Variants in TMCO5A observed in about 807,000 individuals in gnomAD.
The protein encoded by TMCO5A is transmembrane and coiled-coil domains 5A, also known as transmembrane and coiled-coil domain-containing protein 5A.
Under a neutral mutation model 42.3 loss-of-function variants are expected in TMCO5A, and 34 were observed. That is an observed-to-expected ratio of 0.80 (90% CI 0.61 to 1.07). The LOEUF (loss-of-function observed/expected upper bound fraction) is 1.07. TMCO5A is among the 50% of genes least tolerant of loss of function. The pLI, the probability that TMCO5A is intolerant of heterozygous loss-of-function variation, is 0.00. For synonymous variants in TMCO5A, 131 were observed against 115.6 expected, an observed-to-expected ratio of 1.13 and a Z score of -0.86; for missense variants, 357 against 327.9, an observed-to-expected ratio of 1.09 and a Z score of -0.69.
chr15:37,952,538 G>A (rs1351471642), downstream of TMCO5A, among the ~76,000 whole-genome samples: 1 of 152,126 alleles, frequency 6.6e-6, no homozygotes, highest in East Asian at 1.9e-4. Flanking sequence ...TAACTGAAAA[G>A]CCTCTGGGCC....
downstream of TMCO5A, among the ~76,000 whole-genome samples, chr15:37,954,283 A>AG (rs1173512046): frequency 1.3e-5 from 2 of 152,192 alleles, no homozygotes; most frequent in Non-Finnish European, 2.9e-5. Flanking sequence ...TCAAGGATAG[A>AG]GAAAGGATCA....
chr15:37,995,692 TTAGG>T, the TMCO5A span, among the ~76,000 whole-genome samples: 1 of 152,210 alleles, frequency 6.6e-6, no homozygotes, highest in African/African-American at 2.4e-5. Context: ...CACATGATCC[TTAGG>T]ATCCCAGCAC....
chr15:37,963,403 T>G (rs1229699010), intron 11 of TMCO5A, among the ~76,000 whole-genome samples: 2 of 152,184 alleles, frequency 1.3e-5, no homozygotes, highest in Non-Finnish European at 1.5e-5. Flanking sequence ...TATTCCACTG[T>G]GGTCTGAGAG....
At chr15:37,955,983 T>C (rs1890279986), downstream of TMCO5A, among the ~76,000 whole-genome samples, 1 of 152,144 alleles carries the variant, frequency 6.6e-6, no homozygotes, top group Admixed American at 6.6e-5. Context: ...AACAACCTGC[T>C]CCTGAATGAC....
chr15:37,957,211 A>G (rs1440682421), intron 11 of TMCO5A, among the ~76,000 whole-genome samples: 1 of 152,126 alleles, frequency 6.6e-6, no homozygotes, highest in Admixed American at 6.6e-5. Context: ...CACCACTCCT[A>G]TTCAACATAG....
At chr15:37,947,792 A>C in intron 11 of TMCO5A, 96 bp downstream of exon 11, 3 of 770,654 alleles carry the variant, frequency 3.9e-6, no homozygotes, top group Non-Finnish European at 6.7e-6. Context: ...AGAGCCTTGT[A>C]TATGCGTGTG....
At chr15:37,936,765 TC>T (rs1443010419) in intron 3 of TMCO5A, 81 bp from the exon 4 acceptor site, 2 of 1,572,096 alleles carry the variant, frequency 1.3e-6, no homozygotes, top group East Asian at 4.6e-5. Context: ...TCCCTGAAGT[TC>T]CCTTATATCT....
At chr15:37,942,930 A>G (rs1889800090) in intron 9 of TMCO5A, 1 of 154,736 alleles carries the variant, frequency 6.5e-6, no homozygotes, top group South Asian at 2.0e-4. Context: ...TAGATCAAGA[A>G]CAAGAGATCA....
Position 37,947,648 on chromosome 15 carries a change from TCTTC to T in TMCO5A, c.628-6_628-3del. Reference sequence around the variant, plus strand: ...TTGCTTATTTATCAATATCCTTTCTTCTTCCAGGGTACTCCTACCCAAAAGACAG... The same window carrying T: ...TTGCTTATTTATCAATATCCTTTCTTCAGGGTACTCCTACCCAAAAGACAG... On this transcript the variant is annotated splice_polypyrimidine_tract_variant and splice_region_variant and intron_variant, in intron 10 of 11. Coordinates refer to ENST00000319669, the MANE Select transcript of TMCO5A (RefSeq NM_152453.4). The T allele has an allele frequency of 6.3e-7, 1 of 1,587,976 alleles. No individual in the cohort carries two copies.
chr15:38,008,041 G>A, the TMCO5A span, among the ~76,000 whole-genome samples: 31 of 151,678 alleles, frequency 2.0e-4, no homozygotes, highest in Non-Finnish European at 2.9e-4. Flanking sequence ...GACTACAGGC[G>A]CCTGCCACCA....
chr15:37,966,847 T>C (rs1890570476), exon 12 of TMCO5A: 5 of 609,386 alleles, frequency 8.2e-6, no homozygotes, highest in Non-Finnish European at 1.5e-5. Flanking sequence ...ATGTCATATG[T>C]TCAGCCCCTT....
the TMCO5A span, among the ~76,000 whole-genome samples, chr15:38,009,654 A>G: frequency 6.6e-6 from 1 of 152,188 alleles, no homozygotes; most frequent in African/African-American, 2.4e-5. Context: ...ATATAATGGG[A>G]AAGCAACACA....
At chr15:37,981,583 G>A in the TMCO5A span, among the ~76,000 whole-genome samples, 4 of 152,286 alleles carry the variant, frequency 2.6e-5, no homozygotes, top group Non-Finnish European at 5.9e-5. Flanking sequence ...TCAGGAGACC[G>A]GGGTTGGGAG....
chr15:38,016,079 T>G, the TMCO5A span, among the ~76,000 whole-genome samples: 3 of 152,096 alleles, frequency 2.0e-5, no homozygotes, highest in African/African-American at 7.2e-5. Context: ...TACTGGGACG[T>G]CAATGTAGGT....
chr15:37,967,513 G>C (rs1890583849), exon 12 of TMCO5A: 1 of 152,114 alleles, frequency 6.6e-6, no homozygotes, highest in Non-Finnish European at 1.5e-5. Context: ...TACTTTTATA[G>C]GGTCAGTTAC....
At chr15:37,940,683 G>A (rs1331764330) in intron 6 of TMCO5A, among the ~76,000 whole-genome samples, 1 of 152,020 alleles carries the variant, frequency 6.6e-6, no homozygotes, top group African/African-American at 2.4e-5. Context: ...ACTACCCCCT[G>A]CCACCTGATA....
chr15:37,963,177 G>A (rs1020112856), intron 11 of TMCO5A, among the ~76,000 whole-genome samples: 5 of 152,032 alleles, frequency 3.3e-5, no homozygotes, highest in Admixed American at 2.6e-4. Flanking sequence ...TCTTTTTGAT[G>A]TAGGTGTTCA....
At chr15:37,941,062 C>G (rs190737028) in intron 6 of TMCO5A, 87 bp from the exon 7 acceptor site, 4 of 1,306,520 alleles carry the variant, frequency 3.1e-6, no homozygotes, top group Non-Finnish European at 4.4e-6. Flanking sequence ...AGGCTCCTCA[C>G]AGCTCGTGAG....
chr15:37,968,049 T>G (rs1207854074), downstream of TMCO5A, among the ~76,000 whole-genome samples: 1 of 152,194 alleles, frequency 6.6e-6, no homozygotes, highest in Non-Finnish European at 1.5e-5. Flanking sequence ...TCTATGTAAT[T>G]TGAGATCTTG....
Sources: allele counts gnomAD v4.1 joint callset (sites outside exome capture counted in the v4.1 genomes callset), GRCh38; gene constraint gnomAD v4.1.1; transcripts MANE v1.5; gene names NCBI Gene and HGNC (gene_info 2026-07-23, HGNC 2026-07-21).